Variants in WNT5A observed in about 807,000 individuals in gnomAD.
The protein encoded by WNT5A is protein Wnt-5a.
Under a neutral mutation model 42.1 loss-of-function variants are expected in WNT5A, and 9 were observed. That is an observed-to-expected ratio of 0.21 (90% CI 0.13 to 0.37). WNT5A has a LOEUF of 0.37. Among genes scored for constraint, WNT5A ranks in the 10% least tolerant of loss-of-function variants. The pLI is 1.00. For synonymous variants in WNT5A, 210 were observed against 210.0 expected, an observed-to-expected ratio of 1.00 and a Z score of 0.00; for missense variants, 426 against 534.0, an observed-to-expected ratio of 0.80 and a Z score of 1.99.
In WNT5A at chr3:55,470,548, C is replaced by T. The variant is rs370971193; in HGVS notation, c.687G>A (p.Thr229=). 30 of 1,532,514 alleles carry T rather than the reference C, an allele frequency of 2.0e-5. No individual in the cohort carries two copies. The highest frequency in any genetic ancestry group is 2.6e-5 in the Non-Finnish European group (30 of 1,138,480). 94.9% of individuals were successfully genotyped at this position (1,532,514 alleles called of 1,614,324 possible). The change falls in exon 5 of 5, where the codon ACG becomes ACA. Residue 229 remains threonine (T), a splice_region_variant and synonymous_variant. Transcript: ENST00000264634. The stretch of plus-strand genomic sequence containing the variant: ...AGGCCACATCAGCCAGGTTGTACAC[C>T]GTCTGCAGGGAAATGGGGGCAATCA... ...NLHNNEAGRR[T]VYNLADVACK... is the part of the protein sequence containing the mutation.
the WNT5A span, among the ~76,000 whole-genome samples, chr3:55,504,446 C>A: frequency 6.7e-6 from 1 of 149,986 alleles, no homozygotes; most frequent in East Asian, 1.9e-4. Context: ...TGCTTGATGG[C>A]ATTAAAATTT....
the WNT5A span, among the ~76,000 whole-genome samples, chr3:55,497,056 T>G: frequency 6.6e-6 from 1 of 152,216 alleles, no homozygotes; most frequent in Non-Finnish European, 1.5e-5. Flanking sequence ...ATTTGTCGAA[T>G]TAGTATTGTA....
chr3:55,499,323 C>A, the WNT5A span, among the ~76,000 whole-genome samples: 3 of 152,064 alleles, frequency 2.0e-5, no homozygotes, highest in African/African-American at 7.2e-5. Flanking sequence ...GTAAAGCAAG[C>A]GGCTTGGGAG....
Position 55,467,409 on chromosome 3 carries a change from TC to T in WNT5A, c.*2682del, listed in dbSNP as rs2051163626. The stretch of plus-strand genomic sequence containing the variant: ...AGGAACATATATAGGAAAAGAGAAT[TC>T]CCCTTTTGTTCCATTACATATAGAA... On this transcript the variant is annotated 3_prime_UTR_variant, in exon 5 of 5. Coordinates refer to ENST00000264634, the MANE Select transcript of WNT5A (RefSeq NM_003392.7). 1 of 151,598 alleles carries T rather than the reference TC, an allele frequency of 6.6e-6. No homozygotes were observed. The highest frequency in any genetic ancestry group is 1.5e-5 in the Non-Finnish European group (1 of 67,854). 9.4% of individuals were successfully genotyped at this position (151,598 alleles called of 1,614,324 possible). A position where few individuals can be genotyped will look rare whatever the true frequency, so the allele number is the denominator to read the frequency against.
At chr3:55,502,875 C>G in the WNT5A span, among the ~76,000 whole-genome samples, 1 of 152,152 alleles carries the variant, frequency 6.6e-6, no homozygotes, top group Non-Finnish European at 1.5e-5. Flanking sequence ...TGGTCCTATT[C>G]AAACTGAAGG....
chr3:55,478,057 C>T (rs149148377), intron 3 of WNT5A, among the ~76,000 whole-genome samples: 10 of 152,292 alleles, frequency 6.6e-5, no homozygotes, highest in African/African-American at 2.2e-4. Flanking sequence ...AGCCCACAGT[C>T]AGGGAAAACT....
chr3:55,478,853 T>A (rs549464819), intron 3 of WNT5A, among the ~76,000 whole-genome samples: 60 of 152,290 alleles, frequency 3.9e-4, no homozygotes, highest in African/African-American at 1.4e-3. Context: ...TTAGGAAAAT[T>A]AAAACTTTGT....
rs2051131404 is a variant in WNT5A at position 55,465,730 on chromosome 3, G to T, written c.*4362C>A. 1.3e-5 allele frequency: 2 copies of T among 152,114 alleles called. No homozygotes were observed. The highest frequency in any genetic ancestry group is 1.3e-4 in the Admixed American group (2 of 15,270). The allele number at this position is 152,114 out of a possible 1,614,324, so 9.4% of individuals were successfully genotyped here. A position where few individuals can be genotyped will look rare whatever the true frequency, so the allele number is the denominator to read the frequency against. ...ACGACTGCACTGGATTTCATAAAATGATTTTAATAGAAAAGTACAAGATAT... is the reference window on the plus strand; with the variant it reads ...ACGACTGCACTGGATTTCATAAAATTATTTTAATAGAAAAGTACAAGATAT... On this transcript the variant is annotated 3_prime_UTR_variant, in exon 5 of 5. Coordinates refer to ENST00000264634, the MANE Select transcript of WNT5A (RefSeq NM_003392.7).
At position 55,465,862 on chromosome 3, in the gene WNT5A, A is replaced by G. The variant is rs763963455; in HGVS notation, c.*4230T>C. On this transcript the variant is annotated 3_prime_UTR_variant, in exon 5 of 5. Transcript: ENST00000264634. ...TCCTCCATTCCTTTTTTGCTTTTAA[A>G]ATACTGAGACAGCATTTTAATTCAA... is the stretch of plus-strand genomic sequence containing the variant. The G allele has an allele frequency of 9.2e-5, 14 of 152,170 alleles. No homozygotes were observed. The highest frequency in any genetic ancestry group is 2.1e-4 in the Non-Finnish European group (14 of 68,022). The allele number at this position is 152,170 out of a possible 1,614,324, so 9.4% of individuals were successfully genotyped here. A position where few individuals can be genotyped will look rare whatever the true frequency, so the allele number is the denominator to read the frequency against.
chr3:55,486,072 C>A (rs769477203), intron 1 of WNT5A, among the ~76,000 whole-genome samples: 1 of 152,200 alleles, frequency 6.6e-6, no homozygotes, highest in Non-Finnish European at 1.5e-5. Context: ...AGTGAACTCT[C>A]AGTGACCCTC....
chr3:55,474,815 GGGAGGTT>G (rs2051324042), intron 3 of WNT5A, among the ~76,000 whole-genome samples, 186 bp from the exon 4 acceptor site: 1 of 89,168 alleles, frequency 1.1e-5, no homozygotes, highest in Non-Finnish European at 2.3e-5. Context: ...TAGGAGGTGG[GGGAGGTT>G]GGAGGTTGGG....
At chr3:55,478,024 A>C (rs2051388814) in intron 3 of WNT5A, among the ~76,000 whole-genome samples, 1 of 152,138 alleles carries the variant, frequency 6.6e-6, no homozygotes, top group Non-Finnish European at 1.5e-5. Context: ...AATCTACCAC[A>C]CTCCCAGTTA....
Position 55,470,256 on chromosome 3 carries a change from T to G in WNT5A, c.979A>C (p.Lys327Gln). The change falls in exon 5 of 5, where the codon AAG becomes CAG. Residue 327 changes from lysine to glutamine, a missense_variant. Lys to Gln is a moderately conservative substitution (Grantham distance 53). Coordinates refer to ENST00000264634, the MANE Select transcript of WNT5A (RefSeq NM_003392.7). ...CAGCCATCCATGCCCTCCGACGTCT[T>G]GTTGCACAGGCGGCCCTGCGTGCCC... Reference protein sequence around the residue: ...SLGTQGRLCNKTSEGMDGCEL... With the variant: ...SLGTQGRLCNQTSEGMDGCEL... 1 of 1,614,082 alleles carries G rather than the reference T, an allele frequency of 6.2e-7. No homozygotes were observed. The highest frequency in any genetic ancestry group is 8.5e-7 in the Non-Finnish European group (1 of 1,179,948).
upstream of WNT5A, chr3:55,489,038 G>A (rs1353733053): frequency 1.3e-5 from 2 of 152,242 alleles, no homozygotes; most frequent in Non-Finnish European, 2.9e-5. Flanking sequence ...CTGCCACGGA[G>A]ATCTTGGCGG....
upstream of WNT5A, among the ~76,000 whole-genome samples, chr3:55,494,493 T>C (rs2051693841): frequency 6.6e-6 from 1 of 152,214 alleles, no homozygotes; most frequent in South Asian, 2.1e-4. Context: ...CCAAACTGGA[T>C]TCAAACATAT....
At chr3:55,473,406 G>A (rs2051288450) in intron 4 of WNT5A, among the ~76,000 whole-genome samples, 1 of 152,178 alleles carries the variant, frequency 6.6e-6, no homozygotes, top group Non-Finnish European at 1.5e-5. Flanking sequence ...CCAAAGTTAA[G>A]AAAAGTTTTC....
At chr3:55,473,374 A>G (rs1288059770) in intron 4 of WNT5A, among the ~76,000 whole-genome samples, 1 of 152,194 alleles carries the variant, frequency 6.6e-6, no homozygotes, top group African/African-American at 2.4e-5. Flanking sequence ...TGAAAAAATA[A>G]TGGCCCTGGT....
In WNT5A at chr3:55,466,070, TATGTTTCTGA is replaced by T. The variant is rs1304703878; in HGVS notation, c.*4012_*4021del. 2 of 152,238 alleles carry T rather than the reference TATGTTTCTGA, an allele frequency of 1.3e-5. No homozygotes were observed. Among genetic ancestry groups the T allele is most frequent in the African/African-American group, 4.8e-5 (2 of 41,466 alleles). The allele number at this position is 152,238 out of a possible 1,614,324, so 9.4% of individuals were successfully genotyped here. A position where few individuals can be genotyped will look rare whatever the true frequency, so the allele number is the denominator to read the frequency against. ...GATCATTTCTCTAAGTTTTAATTCC[TATGTTTCTGA>T]ATGTTTCTTGAATTAAAAATTCATT... On this transcript the variant is annotated 3_prime_UTR_variant, in exon 5 of 5. Coordinates refer to ENST00000264634, the MANE Select transcript of WNT5A (RefSeq NM_003392.7).
At chr3:55,492,682 A>G (rs981052959), upstream of WNT5A, among the ~76,000 whole-genome samples, 1 of 152,212 alleles carries the variant, frequency 6.6e-6, no homozygotes, top group Non-Finnish European at 1.5e-5. Flanking sequence ...TGTTGAGATA[A>G]TAATCGGTAA....
Sources: gnomAD v4.1 joint callset for allele counts (sites outside exome capture counted in the v4.1 genomes callset) on GRCh38, gnomAD v4.1.1 for gene constraint, MANE v1.5 for transcripts, NCBI Gene and HGNC (gene_info 2026-07-23, HGNC 2026-07-21) for gene names.